SLC18B1: variants seen among roughly 807,000 people sequenced by gnomAD.
SLC18B1 encodes the protein solute carrier family 18 member B1, also known as MFS-type transporter SLC18B1.
A neutral mutation model predicts 53.9 loss-of-function variants in SLC18B1; 62 were observed. The observed-to-expected ratio is 1.15, with a 90% CI of 0.94 to 1.42. SLC18B1 has a LOEUF of 1.42. Ranked by LOEUF, SLC18B1 falls within the 40% of genes most tolerant of loss-of-function variation. The probability of loss-of-function intolerance (pLI) is 0.00; values close to 1 mark genes in which losing one functional copy is unlikely to be tolerated. For missense variants in SLC18B1, 598 were observed against 547.3 expected (o/e 1.09, Z -0.93); for synonymous variants, 217 against 200.9 (o/e 1.08, Z -0.68).
Position 132,773,022 on chromosome 6 carries a change from T to A in SLC18B1, c.1056A>T (p.Pro352=), listed in dbSNP as rs1781014189. The part of the protein sequence containing the change: ...SGLSAGMSII[P]TFPEILSCAH... ...CACAACTGAGAATTTCCGGGAAAGT[T>A]GGAATTATACTCATTCCAGCAGAGA... Residue 352 remains proline (P), a synonymous_variant, in exon 10 of 14, where the codon CCA becomes CCT. Coordinates refer to ENST00000275227, the MANE Select transcript of SLC18B1 (RefSeq NM_052831.3). The A allele has an allele frequency of 1.2e-6, 2 of 1,613,812 alleles. No homozygotes were observed. The highest frequency in any genetic ancestry group is 1.7e-6 in the Non-Finnish European group (2 of 1,179,852).
chr6:132,798,388 C>A, intron 1 of SLC18B1, 26 bp downstream of exon 1: 3 of 1,516,326 alleles, frequency 2.0e-6, no homozygotes, highest in Non-Finnish European at 2.7e-6. Flanking sequence ...GGTCTCCGGG[C>A]TCCCGGCCAC....
chr6:132,773,184 T>G lies in SLC18B1; in HGVS notation c.990-96A>C, dbSNP rs1781017906. 2.7e-5 allele frequency: 22 copies of G among 817,820 alleles called. No homozygotes were observed. The South Asian group carries it at 3.3e-4, about 12-fold the overall frequency. The allele number at this position is 817,820 out of a possible 1,614,324, so 50.7% of individuals were successfully genotyped here. A position where few individuals can be genotyped will look rare whatever the true frequency, so the allele number is the denominator to read the frequency against. On this transcript the variant is annotated intron_variant, in intron 9 of 13. Transcript: ENST00000275227. ...ATGCTAAGGAAGTGAGGATCCCTGA[T>G]AAGTTATTTCACCGATTATGTGCCT...
At chr6:132,773,133 T>C (rs753542147) in intron 9 of SLC18B1, 45 bp from the exon 10 acceptor site, 4 of 1,404,824 alleles carry the variant, frequency 2.8e-6, no homozygotes, top group East Asian at 2.3e-5. Flanking sequence ...AGAAAAACAT[T>C]AGCGTTTTAA....
At chr6:132,782,556 A>C (rs574482127) in intron 6 of SLC18B1, among the ~76,000 whole-genome samples, 55 of 152,168 alleles carry the variant, frequency 3.6e-4, no homozygotes, top group African/African-American at 1.3e-3. Flanking sequence ...TCTATTTTAG[A>C]AGCTTTTTTT....
intron 6 of SLC18B1, among the ~76,000 whole-genome samples, chr6:132,781,859 G>T (rs958176077): frequency 6.6e-6 from 1 of 151,944 alleles, no homozygotes; most frequent in Non-Finnish European, 1.5e-5. Context: ...TAGAGTGAAA[G>T]AAAGATATTC....
chr6:132,782,119 C>T (rs548555085), intron 6 of SLC18B1, among the ~76,000 whole-genome samples: 5 of 149,440 alleles, frequency 3.3e-5, no homozygotes, highest in South Asian at 4.2e-4. Context: ...TCCTGGGAGG[C>T]GGAGGTTACA....
At chr6:132,788,200 C>T (rs1014094643) in intron 4 of SLC18B1, among the ~76,000 whole-genome samples, 6 of 150,354 alleles carry the variant, frequency 4.0e-5, no homozygotes, top group Admixed American at 3.3e-4. Context: ...AAAAAGAAAA[C>T]ACATAGCAAT....
At chr6:132,789,649 T>G in intron 4 of SLC18B1, 115 bp downstream of exon 4, 1 of 743,142 alleles carries the variant, frequency 1.3e-6, no homozygotes. Context: ...TCACATGCTA[T>G]GCATTTGACA....
chr6:132,770,581 C>G (rs527942914), intron 13 of SLC18B1, among the ~76,000 whole-genome samples: 1 of 152,062 alleles, frequency 6.6e-6, no homozygotes, highest in East Asian at 1.9e-4. Flanking sequence ...ACTAAAAATA[C>G]AAAAATTAAC....
At chr6:132,789,518 A>G (rs924583556) in intron 4 of SLC18B1, 20 of 333,862 alleles carry the variant, frequency 6.0e-5, no homozygotes, top group African/African-American at 3.3e-4. Flanking sequence ...GTCACTCACA[A>G]TCACAGGAAT....
At chr6:132,773,444 T>G (rs1373590654) in intron 9 of SLC18B1, among the ~76,000 whole-genome samples, 1 of 152,214 alleles carries the variant, frequency 6.6e-6, no homozygotes, top group African/African-American at 2.4e-5. Context: ...ATCACTCGGC[T>G]TTGAACTTCA....
At position 132,770,179 on chromosome 6, in the gene SLC18B1, G is replaced by A; in HGVS notation, c.*91C>T. The A allele has an allele frequency of 8.5e-6, 9 of 1,056,940 alleles. 1 individual carries two copies. The highest frequency in any genetic ancestry group is 4.1e-4 in the Middle Eastern group (2 of 4,852). The allele number at this position is 1,056,940 out of a possible 1,614,324, so 65.5% of individuals were successfully genotyped here. A position where few individuals can be genotyped will look rare whatever the true frequency, so the allele number is the denominator to read the frequency against. ...ACTGGCACGGGGTCCACGGAGTTTT[G>A]CGCGTAAAATTTTAAAAACCCTTCC... On this transcript the variant is annotated 3_prime_UTR_variant, in exon 14 of 14. Coordinates refer to ENST00000275227, the MANE Select transcript of SLC18B1 (RefSeq NM_052831.3).
Position 132,779,345 on chromosome 6 carries a change from T to C in SLC18B1, c.718A>G (p.Ile240Val), listed in dbSNP as rs780730258. The C allele has an allele frequency of 6.2e-7, 1 of 1,613,946 alleles. No individual in the cohort carries two copies. Among genetic ancestry groups the C allele is most frequent in the Non-Finnish European group, 8.5e-7 (1 of 1,179,948 alleles). Residue 240 changes from isoleucine (I) to valine (V), a missense_variant, in exon 7 of 14, where the codon ATA becomes GTA. Ile to Val is a conservative substitution (Grantham distance 29). Coordinates refer to ENST00000275227, the MANE Select transcript of SLC18B1 (RefSeq NM_052831.3). ...KLIALPKVGL[I>V]AFVINSLSSC... Reference sequence around the variant, plus strand: ...CTGAGTGAGTTGATGACGAAGGCTATAAGGCCAACTTTGGGTAAAGCGATC... The same window carrying C: ...CTGAGTGAGTTGATGACGAAGGCTACAAGGCCAACTTTGGGTAAAGCGATC...
At chr6:132,796,332 G>A (rs1781683154) in intron 2 of SLC18B1, among the ~76,000 whole-genome samples, 1 of 135,386 alleles carries the variant, frequency 7.4e-6, no homozygotes, top group South Asian at 2.4e-4. Flanking sequence ...TCCAGCCTGG[G>A]CGAGAGTGCG....
At chr6:132,785,586 T>G (rs1189389606) in intron 5 of SLC18B1, among the ~76,000 whole-genome samples, 1 of 152,030 alleles carries the variant, frequency 6.6e-6, no homozygotes, top group Non-Finnish European at 1.5e-5. Flanking sequence ...AATTATCACA[T>G]TAGTGTGTTA....
intron 6 of SLC18B1, among the ~76,000 whole-genome samples, chr6:132,779,818 G>T (rs1381934532): frequency 6.6e-6 from 1 of 152,168 alleles, no homozygotes; most frequent in Admixed American, 6.5e-5. Flanking sequence ...GTTCCACATG[G>T]CTGGGGAAGC....
intron 2 of SLC18B1, among the ~76,000 whole-genome samples, chr6:132,795,169 G>GAA (rs11303053): frequency 6.2e-5 from 9 of 144,224 alleles, no homozygotes; most frequent in East Asian, 2.0e-4. Context: ...TTTAAAAAAA[G>GAA]AAAAAAAAAA....
In SLC18B1 at chr6:132,798,398, C is replaced by G; in HGVS notation, c.43+16G>C. ...CCGCTGGTCTCCGGGCTCCCGGCCACGCAATTCATGGTCACCTCCTGGTGC... is the reference window on the plus strand; with the variant it reads ...CCGCTGGTCTCCGGGCTCCCGGCCAGGCAATTCATGGTCACCTCCTGGTGC... On this transcript the variant is annotated intron_variant, in intron 1 of 13. Coordinates refer to ENST00000275227, the MANE Select transcript of SLC18B1 (RefSeq NM_052831.3). 6.6e-7 allele frequency: 1 copy of G among 1,521,102 alleles called. No individual in the cohort carries two copies. The highest frequency in any genetic ancestry group is 8.8e-7 in the Non-Finnish European group (1 of 1,131,870). The allele number at this position is 1,521,102 out of a possible 1,614,324, so 94.2% of individuals were successfully genotyped here. A position where few individuals can be genotyped will look rare whatever the true frequency, so the allele number is the denominator to read the frequency against.
chr6:132,777,103 C>T (rs1462164228), intron 7 of SLC18B1, among the ~76,000 whole-genome samples: 1 of 152,080 alleles, frequency 6.6e-6, no homozygotes, highest in Non-Finnish European at 1.5e-5. Flanking sequence ...TGGCTGTAAT[C>T]CCAGCTACTC....
Sources: gnomAD v4.1 joint callset for allele counts (sites outside exome capture counted in the v4.1 genomes callset) on GRCh38, gnomAD v4.1.1 for gene constraint, MANE v1.5 for transcripts, NCBI Gene and HGNC (gene_info 2026-07-23, HGNC 2026-07-21) for gene names.